Variants in ASXL3 observed in about 807,000 individuals in gnomAD.
ASXL3 encodes ASXL transcriptional regulator 3.
A neutral mutation model predicts 170.6 loss-of-function variants in ASXL3; 34 were observed. The observed-to-expected ratio is 0.20, with a 90% CI of 0.15 to 0.27. ASXL3 has a LOEUF of 0.27. ASXL3 is among the 10% of genes least tolerant of loss of function. The pLI, the probability that ASXL3 is intolerant of heterozygous loss-of-function variation, is 1.00. For missense variants in ASXL3, 2,592 were observed against 2,695.3 expected, an observed-to-expected ratio of 0.96 and a Z score of 0.85; for synonymous variants, 1,002 against 989.1, an observed-to-expected ratio of 1.01 and a Z score of -0.24.
chr18:33,716,871 A>G (rs1426446318), intron 8 of ASXL3, among the ~76,000 whole-genome samples: 1 of 147,290 alleles, frequency 6.8e-6, no homozygotes, highest in Non-Finnish European at 1.5e-5. Context: ...CCTTGCTCAG[A>G]TTGCAAGAAA....
At chr18:33,590,949 A>C (rs1161470434) in intron 1 of ASXL3, among the ~76,000 whole-genome samples, 1 of 152,182 alleles carries the variant, frequency 6.6e-6, no homozygotes, top group Non-Finnish European at 1.5e-5. Context: ...GAAAGTAAAT[A>C]TTTTTATTCA....
In ASXL3 at chr18:33,743,051, G is replaced by A; in HGVS notation, c.3203G>A (p.Arg1068Gln). The stretch of plus-strand genomic sequence containing the variant: ...CGGGCCCAACAAGCTCGGGCCCAGC[G>A]AGAGGCTGCTGCAGCTGCTGCTGTG... ...KARAQQARAQ[R>Q]EAAAAAAVAA... The change falls in exon 12 of 12, where the codon CGA (arginine) becomes CAA (glutamine). Residue 1068 changes from arginine (R) to glutamine (Q), a missense_variant. Coordinates refer to ENST00000269197, the MANE Select transcript of ASXL3 (RefSeq NM_030632.3). The A allele has an allele frequency of 1.9e-6, 3 of 1,613,344 alleles. No homozygotes were observed. Among genetic ancestry groups the A allele is most frequent in the African/African-American group, 1.3e-5 (1 of 75,022 alleles).
At chr18:33,649,285 G>A (rs1300780635) in intron 4 of ASXL3, among the ~76,000 whole-genome samples, 2 of 152,088 alleles carry the variant, frequency 1.3e-5, no homozygotes, top group Non-Finnish European at 2.9e-5. Context: ...GTAGACAGGT[G>A]CTCTAAAGGA....
rs199845849 is a variant in ASXL3 at position 33,607,554 on chromosome 18, T to C, written c.55-40T>C. On this transcript the variant is annotated intron_variant, in intron 1 of 11. Transcript: ENST00000269197. ...TCACATACATTTTCATTTTGTATGCTGCCATGCAATAATCTAGGAATCTTA... is the reference window on the plus strand; with the variant it reads ...TCACATACATTTTCATTTTGTATGCCGCCATGCAATAATCTAGGAATCTTA... 503 of 1,428,376 alleles carry C rather than the reference T, an allele frequency of 3.5e-4. No homozygotes were observed. The highest frequency in any genetic ancestry group is 1.4e-3 in the Middle Eastern group (8 of 5,750). 88.5% of individuals were successfully genotyped at this position (1,428,376 alleles called of 1,614,324 possible).
At position 33,745,441 on chromosome 18, in the gene ASXL3, A is replaced by G; in HGVS notation, c.5593A>G (p.Ile1865Val). 6.2e-7 allele frequency: 1 copy of G among 1,614,056 alleles called. No homozygotes were observed. The highest frequency in any genetic ancestry group is 8.5e-7 in the Non-Finnish European group (1 of 1,179,908). Residue 1865 changes from isoleucine (I) to valine (V), a missense_variant, in exon 12 of 12, where the codon ATC becomes GTC. Ile to Val is a conservative substitution (Grantham distance 29, BLOSUM62 3). This residue lies in a region of ASXL3 where 2,246 missense variants were observed against 2,219.6 expected (regional missense o/e 1.01). Coordinates refer to ENST00000269197, the MANE Select transcript of ASXL3 (RefSeq NM_030632.3). ...GGTGCCTTGTGTCATCAGTTCCGGC[A>G]TCAGTCAGCTAGGACACAGCCAGCC... is the stretch of plus-strand genomic sequence containing the variant. ...KGVPCVISSG[I>V]SQLGHSQPFK...
At chr18:33,580,100 T>C (rs1418206453) in intron 1 of ASXL3, among the ~76,000 whole-genome samples, 3 of 152,212 alleles carry the variant, frequency 2.0e-5, no homozygotes, top group Non-Finnish European at 4.4e-5. Context: ...CAGGTCCCTT[T>C]ACTTAATCTC....
At chr18:33,612,992 GCA>G (rs1271000410) in intron 2 of ASXL3, among the ~76,000 whole-genome samples, 1 of 152,046 alleles carries the variant, frequency 6.6e-6, no homozygotes, top group East Asian at 1.9e-4. Context: ...TAAATGGTGT[GCA>G]CAGTCAGCTA....
At position 33,744,604 on chromosome 18, in the gene ASXL3, C is replaced by T; in HGVS notation, c.4756C>T (p.Pro1586Ser). 6.2e-7 allele frequency: 1 copy of T among 1,608,710 alleles called. No individual in the cohort carries two copies. The highest frequency in any genetic ancestry group is 8.5e-7 in the Non-Finnish European group (1 of 1,177,354). Reference sequence around the variant, plus strand: ...TAACTTTGCTGAGCAGGCACGTGGCCCAGCTCCTTTCAAAAGTGAAGCAGA... The same window carrying T: ...TAACTTTGCTGAGCAGGCACGTGGCTCAGCTCCTTTCAAAAGTGAAGCAGA... ...SHNFAEQARG[P>S]APFKSEADTT... The change falls in exon 12 of 12, where the codon CCA becomes TCA. Residue 1586 changes from proline to serine, a missense_variant. Pro to Ser is a moderately conservative substitution (Grantham distance 74). Transcript: ENST00000269197.
At chr18:33,666,757 G>A (rs1355736614) in intron 5 of ASXL3, among the ~76,000 whole-genome samples, 1 of 152,130 alleles carries the variant, frequency 6.6e-6, no homozygotes, top group African/African-American at 2.4e-5. Flanking sequence ...AGGCCAGATG[G>A]TCGATTGAAC....
chr18:33,741,647 A>AAGAT (rs1208029786), intron 11 of ASXL3, among the ~76,000 whole-genome samples: 1 of 152,222 alleles, frequency 6.6e-6, no homozygotes, highest in East Asian at 1.9e-4. Flanking sequence ...AATGAGAAAC[A>AAGAT]AGATAGCTCA....
At position 33,744,118 on chromosome 18, in the gene ASXL3, A is replaced by T; in HGVS notation, c.4270A>T (p.Asn1424Tyr). The T allele has an allele frequency of 1.2e-6, 2 of 1,614,016 alleles. No homozygotes were observed. Among genetic ancestry groups the T allele is most frequent in the Non-Finnish European group, 1.7e-6 (2 of 1,179,892 alleles). ...GTTTACTGGAAACATGCTGACAATA[A>T]ACTCTTATGATAGTCCTCCCAAGTT... is the stretch of plus-strand genomic sequence containing the variant. The part of the protein sequence containing the change: ...AMFTGNMLTI[N>Y]SYDSPPKLSA... Residue 1424 changes from asparagine (N) to tyrosine (Y), a missense_variant, in exon 12 of 12, where the codon AAC (asparagine) becomes TAC (tyrosine). By Grantham distance (143) the Asn-to-Tyr change is moderately radical. This residue lies in a region of ASXL3 where 2,246 missense variants were observed against 2,219.6 expected (regional missense o/e 1.01). Transcript: ENST00000269197.
At chr18:33,727,541 A>C (rs777869018) in intron 8 of ASXL3, among the ~76,000 whole-genome samples, 2 of 152,156 alleles carry the variant, frequency 1.3e-5, no homozygotes, top group Admixed American at 6.5e-5. Flanking sequence ...AGTTTTCTTT[A>C]TTAGTGTTTA....
chr18:33,716,579 T>C (rs1051801379), intron 8 of ASXL3, among the ~76,000 whole-genome samples: 1 of 152,096 alleles, frequency 6.6e-6, no homozygotes, highest in African/African-American at 2.4e-5. Flanking sequence ...TGTTTTAGGA[T>C]TTTTGTGTAG....
chr18:33,699,385 T>C (rs887831046), intron 8 of ASXL3, among the ~76,000 whole-genome samples: 4 of 151,672 alleles, frequency 2.6e-5, no homozygotes, highest in Admixed American at 1.3e-4. Context: ...AGTTGAAGAG[T>C]AGAATAAAAT....
At chr18:33,686,656 A>C (rs1370694508) in intron 8 of ASXL3, among the ~76,000 whole-genome samples, 1 of 152,186 alleles carries the variant, frequency 6.6e-6, no homozygotes, top group Non-Finnish European at 1.5e-5. Flanking sequence ...GAGCCACCTA[A>C]AGGAGAAAAT....
In ASXL3 at chr18:33,713,346, C is replaced by G. The variant is rs571922811; in HGVS notation, c.880-18622C>G. ...CTTGGCTCACTGCAACCTCCACCCC[C>G]CCCCGGGTTCAAGTGATTCTCCTGC... On this transcript the variant is annotated intron_variant, in intron 8 of 11. Coordinates refer to ENST00000269197, the MANE Select transcript of ASXL3 (RefSeq NM_030632.3). Among the ~76,000 whole-genome samples the G allele has an allele frequency of 4.8e-4, 64 of 133,836 alleles. 3 individuals are homozygous for G. The South Asian group carries it at 0.014, about 29-fold the overall frequency. The allele number at this position is 133,836 out of a possible 152,430, so 87.8% of individuals were successfully genotyped here.
At chr18:33,696,428 A>G (rs2066774060) in intron 8 of ASXL3, among the ~76,000 whole-genome samples, 1 of 152,128 alleles carries the variant, frequency 6.6e-6, no homozygotes, top group Non-Finnish European at 1.5e-5. Context: ...TTTCCCCATT[A>G]ATATATTTCC....
At chr18:33,597,841 CTGAG>C (rs1007198420) in intron 1 of ASXL3, among the ~76,000 whole-genome samples, 3 of 151,786 alleles carry the variant, frequency 2.0e-5, no homozygotes, top group South Asian at 2.1e-4. Flanking sequence ...ACAAATCTAC[CTGAG>C]TGATTGTGAA....
chr18:33,635,565 A>G (rs1195500176), intron 2 of ASXL3, among the ~76,000 whole-genome samples: 85 of 152,184 alleles, frequency 5.6e-4, no homozygotes, highest in Admixed American at 5.6e-3. Flanking sequence ...TCTGTTTTTG[A>G]AAAGACACTC....
Sources: allele counts gnomAD v4.1 joint callset (sites outside exome capture counted in the v4.1 genomes callset), GRCh38; gene constraint gnomAD v4.1.1; regional missense constraint gnomAD v4.1.1; transcripts MANE v1.5; gene names NCBI Gene and HGNC (gene_info 2026-07-23, HGNC 2026-07-21).